IKZF3: variants seen among roughly 807,000 people sequenced by gnomAD.
The protein encoded by IKZF3 is zinc finger protein Aiolos.
In IKZF3, 10 loss-of-function variants were observed where a neutral mutation model predicts 49.0. That is an observed-to-expected ratio of 0.20 (90% CI 0.13 to 0.35). The LOEUF is 0.35. IKZF3 is among the 10% of genes least tolerant of loss of function. The probability of loss-of-function intolerance (pLI) is 1.00; values close to 1 mark genes in which losing one functional copy is unlikely to be tolerated. For missense variants in IKZF3, 498 were observed against 664.8 expected, an observed-to-expected ratio of 0.75 and a Z score of 2.76; for synonymous variants, 209 against 228.2, an observed-to-expected ratio of 0.92 and a Z score of 0.76.
intron 3 of IKZF3, among the ~76,000 whole-genome samples, chr17:39,807,483 C>T (rs796924965): frequency 3.4e-5 from 5 of 149,084 alleles, no homozygotes; most frequent in African/African-American, 9.9e-5. Context: ...TAGGCAGCCT[C>T]GACCTCCTAG....
intron 1 of IKZF3, among the ~76,000 whole-genome samples, chr17:39,855,900 T>C (rs1437002899): frequency 6.6e-6 from 1 of 152,030 alleles, no homozygotes; most frequent in East Asian, 1.9e-4. Flanking sequence ...CCAACTTTAT[T>C]ATAAGTATTT....
At chr17:39,823,473 T>A (rs1208306352) in intron 3 of IKZF3, among the ~76,000 whole-genome samples, 2 of 152,160 alleles carry the variant, frequency 1.3e-5, no homozygotes, top group Non-Finnish European at 2.9e-5. Context: ...TAAATTTGCA[T>A]AAGTAATGAG....
intron 4 of IKZF3, 94 bp from the exon 5 acceptor site, chr17:39,791,677 G>A (rs2061026033): frequency 6.4e-6 from 8 of 1,258,488 alleles, no homozygotes; most frequent in Non-Finnish European, 9.1e-6. Flanking sequence ...TCATCTTTTA[G>A]ACAATTACTG....
At chr17:39,837,977 T>C (rs2144367449) in intron 1 of IKZF3, among the ~76,000 whole-genome samples, 1 of 152,282 alleles carries the variant, frequency 6.6e-6, no homozygotes, top group East Asian at 1.9e-4. Flanking sequence ...GTCAGTGATA[T>C]CTTGTGTTGT....
At chr17:39,771,414 T>C (rs2060439493) in intron 7 of IKZF3, among the ~76,000 whole-genome samples, 1 of 152,216 alleles carries the variant, frequency 6.6e-6, no homozygotes, top group Non-Finnish European at 1.5e-5. Flanking sequence ...TACAACAAAA[T>C]TGCAATCCAC....
At chr17:39,775,715 G>A (rs1037479483) in intron 7 of IKZF3, among the ~76,000 whole-genome samples, 3 of 151,918 alleles carry the variant, frequency 2.0e-5, no homozygotes, top group Admixed American at 6.6e-5. Flanking sequence ...ACCTGAGGTC[G>A]GGAGTTCAAG....
chr17:39,813,162 A>C (rs2061601212), intron 3 of IKZF3, among the ~76,000 whole-genome samples: 1 of 151,414 alleles, frequency 6.6e-6, no homozygotes, highest in South Asian at 2.1e-4. Context: ...AGAAGGGAGA[A>C]AACTCTCCAG....
chr17:39,855,842 A>G (rs976658371), intron 1 of IKZF3, among the ~76,000 whole-genome samples: 1 of 152,158 alleles, frequency 6.6e-6, no homozygotes, highest in Non-Finnish European at 1.5e-5. Flanking sequence ...AAAATATTTA[A>G]CATTCATTTT....
At chr17:39,825,339 A>G (rs1250073610) in intron 3 of IKZF3, among the ~76,000 whole-genome samples, 1 of 152,236 alleles carries the variant, frequency 6.6e-6, no homozygotes, top group East Asian at 1.9e-4. Flanking sequence ...CACAGGTCCC[A>G]GAGAGGTGGT....
At chr17:39,814,120 T>A (rs1321895124) in intron 3 of IKZF3, among the ~76,000 whole-genome samples, 1 of 152,184 alleles carries the variant, frequency 6.6e-6, no homozygotes, top group East Asian at 1.9e-4. Flanking sequence ...ACCGAGACTA[T>A]GCCATGGGAA....
intron 3 of IKZF3, among the ~76,000 whole-genome samples, chr17:39,820,868 G>GA (rs1281012241): frequency 2.0e-5 from 3 of 152,166 alleles, no homozygotes; most frequent in African/African-American, 7.2e-5. Context: ...AAGGGAGCTG[G>GA]AGATTGAGTC....
Position 39,793,844 on chromosome 17 carries a change from T to C in IKZF3, c.164-911A>G, listed in dbSNP as rs183740857. Among the ~76,000 whole-genome samples the C allele has an allele frequency of 1.4e-3, 210 of 152,240 alleles. 1 individual carries two copies. In the Middle Eastern group the frequency reaches 0.02, roughly 15 times the overall value. ...ACTCTTCATGAAGAGCATAAGAACA[T>C]ATGAAGAACGTGGGAAAAATATGAA... On this transcript the variant is annotated intron_variant, in intron 3 of 7. Transcript: ENST00000346872.
At chr17:39,840,896 G>T (rs902485102) in intron 1 of IKZF3, among the ~76,000 whole-genome samples, 1 of 152,164 alleles carries the variant, frequency 6.6e-6, no homozygotes, top group African/African-American at 2.4e-5. Context: ...AGGGTTTCAG[G>T]CCAGGTGTGG....
intron 3 of IKZF3, among the ~76,000 whole-genome samples, chr17:39,821,622 G>A (rs963800230): frequency 1.3e-5 from 2 of 152,168 alleles, no homozygotes; most frequent in Non-Finnish European, 2.9e-5. Flanking sequence ...TAAAATGAAA[G>A]TTAAAAAGAG....
At chr17:39,824,847 C>A (rs549072244) in intron 3 of IKZF3, among the ~76,000 whole-genome samples, 3 of 152,110 alleles carry the variant, frequency 2.0e-5, no homozygotes, top group African/African-American at 4.8e-5. Flanking sequence ...AGGTGCCCAC[C>A]ACCACACCTG....
chr17:39,781,910 T>C (rs1413528001), intron 6 of IKZF3, among the ~76,000 whole-genome samples: 1 of 152,246 alleles, frequency 6.6e-6, no homozygotes, highest in Non-Finnish European at 1.5e-5. Context: ...TGGATGGACA[T>C]ATTTTGAGGC....
At position 39,765,728 on chromosome 17, in the gene IKZF3, C is replaced by A; in HGVS notation, c.*62G>T. Reference sequence around the variant, plus strand: ...TATGTTTTGAGAGCAATCTGTTAGGCGAGGTCATTGGTTTTTAGAAACGAT... The same window carrying A: ...TATGTTTTGAGAGCAATCTGTTAGGAGAGGTCATTGGTTTTTAGAAACGAT... On this transcript the variant is annotated 3_prime_UTR_variant, in exon 8 of 8. Transcript: ENST00000346872. 1 of 1,265,138 alleles carries A rather than the reference C, an allele frequency of 7.9e-7. No homozygotes were observed. The highest frequency in any genetic ancestry group is 1.4e-5 in the South Asian group (1 of 71,480). The allele number at this position is 1,265,138 out of a possible 1,614,324, so 78.4% of individuals were successfully genotyped here. A position where few individuals can be genotyped will look rare whatever the true frequency, so the allele number is the denominator to read the frequency against.
Position 39,765,917 on chromosome 17 carries a change from G to A in IKZF3, c.1403C>T (p.Thr468Met), listed in dbSNP as rs2143562139. Residue 468 changes from threonine to methionine, a missense_variant, in exon 8 of 8, where the codon ACG becomes ATG. By Grantham distance (81) the Thr-to-Met change is moderately conservative. This residue lies in a region of IKZF3 where 317 missense variants were observed against 397.3 expected (regional missense o/e 0.80). Transcript: ENST00000346872. Reference protein sequence around the residue: ...RVLFLDYVMFTIHMGCHGFRD... With the variant: ...RVLFLDYVMFMIHMGCHGFRD... Reference sequence around the variant, plus strand: ...GAAGCCGTGGCAGCCCATGTGAATCGTGAACATCACATAGTCCAGGAAGAG... The same window carrying A: ...GAAGCCGTGGCAGCCCATGTGAATCATGAACATCACATAGTCCAGGAAGAG... 6.2e-7 allele frequency: 1 copy of A among 1,614,202 alleles called. No individual in the cohort carries two copies. Among genetic ancestry groups the A allele is most frequent in the Non-Finnish European group, 8.5e-7 (1 of 1,180,034 alleles).
intron 2 of IKZF3, among the ~76,000 whole-genome samples, chr17:39,830,267 T>A (rs768481149): frequency 1.6e-4 from 25 of 152,334 alleles, no homozygotes; most frequent in Middle Eastern, 3.4e-3. Context: ...ATTATAAATG[T>A]GATTCTGTGG....
Sources: gnomAD v4.1 joint callset for allele counts (sites outside exome capture counted in the v4.1 genomes callset) on GRCh38, gnomAD v4.1.1 for gene constraint, gnomAD v4.1.1 regional missense constraint, MANE v1.5 for transcripts, NCBI Gene and HGNC (gene_info 2026-07-23, HGNC 2026-07-21) for gene names.